Variants in PDXK observed in about 807,000 individuals in gnomAD.
PDXK encodes pyridoxal kinase, also known as epididymis secretory sperm binding protein Li 1a.
In PDXK, 15 loss-of-function variants were observed where a neutral mutation model predicts 43.2. That is an observed-to-expected ratio of 0.35 (90% CI 0.23 to 0.53). The LOEUF (loss-of-function observed/expected upper bound fraction) is 0.53. PDXK is among the 20% of genes least tolerant of loss of function. The probability of loss-of-function intolerance (pLI) is 0.92; values close to 1 mark genes in which losing one functional copy is unlikely to be tolerated. For synonymous variants in PDXK, 172 were observed against 165.4 expected (o/e 1.04, Z -0.31); for missense variants, 343 against 417.0 (o/e 0.82, Z 1.54).
intron 1 of PDXK, chr21:43,728,918 G>C (rs1386649413): frequency 2.0e-6 from 2 of 985,392 alleles, no homozygotes; most frequent in Admixed American, 1.2e-4. Context: ...CCACTGGCCT[G>C]GACTCTGCTG....
At chr21:43,744,184 G>A (rs763925434) in intron 4 of PDXK, among the ~76,000 whole-genome samples, 4 of 151,798 alleles carry the variant, frequency 2.6e-5, no homozygotes, top group Non-Finnish European at 1.5e-5. Flanking sequence ...TAGGGAGTGG[G>A]GGAGGGCAGG....
Position 43,732,784 on chromosome 21 carries a change from G to A in PDXK, c.88-1285G>A, listed in dbSNP as rs569716639. 1.7e-5 allele frequency: 10 copies of A among 599,814 alleles called. No homozygotes were observed. In the East Asian group the frequency reaches 2.5e-4, roughly 15 times the overall value. The allele number at this position is 599,814 out of a possible 1,614,324, so 37.2% of individuals were successfully genotyped here. A position where few individuals can be genotyped will look rare whatever the true frequency, so the allele number is the denominator to read the frequency against. On this transcript the variant is annotated intron_variant, in intron 1 of 10. Transcript: ENST00000291565. This position sits in a 1 kb window ranked among gnomAD's most constrained non-coding sequence, Gnocchi z 4.1. ...GTTTTTTGAGACATATTCTCACTCC[G>A]TCACCCAGGCTAGAGTGCAGTGGTG...
At chr21:43,739,941 A>G (rs1306498922) in intron 2 of PDXK, among the ~76,000 whole-genome samples, 2 of 150,270 alleles carry the variant, frequency 1.3e-5, no homozygotes, top group African/African-American at 2.4e-5. Context: ...CTCAGGACAC[A>G]CCCTCCACCG....
intron 1 of PDXK, among the ~76,000 whole-genome samples, chr21:43,733,207 G>T (rs925665152): frequency 1.3e-5 from 2 of 150,532 alleles, no homozygotes; most frequent in Non-Finnish European, 3.0e-5. Context: ...AGCCCACCCA[G>T]TGAAGAAACA....
In PDXK at chr21:43,722,740, T is replaced by G. The variant is rs373352841; in HGVS notation, c.87+3359T>G. On this transcript the variant is annotated intron_variant, in intron 1 of 10. Coordinates refer to ENST00000291565, the MANE Select transcript of PDXK (RefSeq NM_003681.5). ...CTGTCCTCACGTGGCCTCCGCCCAG[T>G]GTGCTCTCTTAAAAGTCCACTTAAC... Among the ~76,000 whole-genome samples the G allele has an allele frequency of 1.6e-4, 24 of 152,342 alleles. No homozygotes were observed. In the East Asian group the frequency reaches 4.0e-3, roughly 26 times the overall value.
In PDXK at chr21:43,732,351, C is replaced by A; in HGVS notation, c.88-1718C>A. On this transcript the variant is annotated intron_variant, in intron 1 of 10. Transcript: ENST00000291565. This position sits in a 1 kb window ranked among gnomAD's most constrained non-coding sequence, Gnocchi z 4.1. ...CCCCGTGCATTGTCGTCTTCTGAGT[C>A]TGGCTTTGTCTGGCACATGAAGTTG... 2 of 1,609,194 alleles carry A rather than the reference C, an allele frequency of 1.2e-6. No homozygotes were observed. Among genetic ancestry groups the A allele is most frequent in the South Asian group, 2.2e-5 (2 of 90,906 alleles).
chr21:43,725,033 C>G (rs1221390173), intron 1 of PDXK, among the ~76,000 whole-genome samples: 1 of 152,096 alleles, frequency 6.6e-6, no homozygotes, highest in East Asian at 1.9e-4. Flanking sequence ...GGTTAAAACA[C>G]CTGGTGTTGG....
At position 43,735,030 on chromosome 21, in the gene PDXK, C is replaced by G. The variant is rs183358233; in HGVS notation, c.142+907C>G. The stretch of plus-strand genomic sequence containing the variant: ...GGTTTCTTTTGAGGTGGGCATGACA[C>G]GTGCTAAGTGAGAGGAAAGAGTTGC... On this transcript the variant is annotated intron_variant, in intron 2 of 10. Transcript: ENST00000291565. The surrounding 1 kb of genome is among the most constrained non-coding windows in gnomAD (Gnocchi z 5.3). Among the ~76,000 whole-genome samples the G allele has an allele frequency of 6.6e-6, 1 of 152,202 alleles. No individual in the cohort carries two copies. The highest frequency in any genetic ancestry group is 2.1e-4 in the South Asian group (1 of 4,834).
Position 43,723,406 on chromosome 21 carries a change from C to T in PDXK, c.87+4025C>T, listed in dbSNP as rs1412578966. ...GAGCTCCTGACCTCAGGTGATCTGC[C>T]TGCCTCGGCCTCCCAAAGTGCTGGG... is the stretch of plus-strand genomic sequence containing the variant. On this transcript the variant is annotated intron_variant, in intron 1 of 10. Transcript: ENST00000291565. The surrounding 1 kb of genome is among the most constrained non-coding windows in gnomAD (Gnocchi z 4.1). 3 of 152,366 alleles carry T rather than the reference C, an allele frequency of 2.0e-5. No homozygotes were observed. The East Asian group carries it at 5.8e-4, about 29-fold the overall frequency. 9.4% of individuals were successfully genotyped at this position (152,366 alleles called of 1,614,324 possible). A position where few individuals can be genotyped will look rare whatever the true frequency, so the allele number is the denominator to read the frequency against.
At chr21:43,727,677 G>A (rs763262438) in intron 1 of PDXK, among the ~76,000 whole-genome samples, 6 of 152,214 alleles carry the variant, frequency 3.9e-5, no homozygotes, top group Non-Finnish European at 8.8e-5. Flanking sequence ...GCATGGGAGC[G>A]AGTTCCAAGG....
intron 1 of PDXK, among the ~76,000 whole-genome samples, chr21:43,725,672 G>A (rs1020204710): frequency 3.9e-5 from 6 of 152,084 alleles, no homozygotes; most frequent in East Asian, 1.9e-4. Flanking sequence ...TTAGCCGGGC[G>A]TGGTGGCACA....
chr21:43,734,223 G>T lies in PDXK; in HGVS notation c.142+100G>T. ...GGACGGGGCGGAGTGTGGGTGTGAG[G>T]GACGGGGCTTTCGTGTGGACGGGGA... On this transcript the variant is annotated intron_variant, in intron 2 of 10. Transcript: ENST00000291565. The surrounding 1 kb of genome is among the most constrained non-coding windows in gnomAD (Gnocchi z 5.0). 8.8e-7 allele frequency: 1 copy of T among 1,130,386 alleles called. No homozygotes were observed. Among genetic ancestry groups the T allele is most frequent in the South Asian group, 1.2e-5 (1 of 80,430 alleles). The allele number at this position is 1,130,386 out of a possible 1,614,324, so 70.0% of individuals were successfully genotyped here. A position where few individuals can be genotyped will look rare whatever the true frequency, so the allele number is the denominator to read the frequency against.
intron 2 of PDXK, 87 bp from the exon 3 acceptor site, chr21:43,741,580 C>T: frequency 6.4e-7 from 1 of 1,570,538 alleles, no homozygotes; most frequent in Non-Finnish European, 8.6e-7. Context: ...CAGGCAGCCT[C>T]AGGGAGAGTG....
chr21:43,719,445 G>A, intron 1 of PDXK, 64 bp downstream of exon 1: 1 of 1,443,652 alleles, frequency 6.9e-7, no homozygotes, highest in Non-Finnish European at 9.3e-7. Context: ...GGGGCTGCCC[G>A]AGACGAGCCT....
At chr21:43,747,732 G>A (rs530668670) in intron 5 of PDXK, among the ~76,000 whole-genome samples, 2 of 152,332 alleles carry the variant, frequency 1.3e-5, no homozygotes, top group South Asian at 4.1e-4. Context: ...GTGCGGCTAC[G>A]GGATCTGGCC....
At position 43,734,253 on chromosome 21, in the gene PDXK, G is replaced by A; in HGVS notation, c.142+130G>A. 2 of 861,382 alleles carry A rather than the reference G, an allele frequency of 2.3e-6. No individual in the cohort carries two copies. Among genetic ancestry groups the A allele is most frequent in the Non-Finnish European group, 3.8e-6 (2 of 521,540 alleles). The allele number at this position is 861,382 out of a possible 1,614,324, so 53.4% of individuals were successfully genotyped here. On this transcript the variant is annotated intron_variant, in intron 2 of 10. Coordinates refer to ENST00000291565, the MANE Select transcript of PDXK (RefSeq NM_003681.5). This position sits in a 1 kb window ranked among gnomAD's most constrained non-coding sequence, Gnocchi z 5.0. The stretch of plus-strand genomic sequence containing the variant: ...GGGCTTTCGTGTGGACGGGGACCTG[G>A]AGTCCTGGGCGTCGCTCGGGCAGAG...
In PDXK at chr21:43,761,012, T is replaced by A. The variant is rs1281360500; in HGVS notation, c.*4949T>A. The A allele has an allele frequency of 6.6e-6, 1 of 152,216 alleles. No individual in the cohort carries two copies. Among genetic ancestry groups the A allele is most frequent in the Non-Finnish European group, 1.5e-5 (1 of 68,034 alleles). The allele number at this position is 152,216 out of a possible 1,614,324, so 9.4% of individuals were successfully genotyped here. The stretch of plus-strand genomic sequence containing the variant: ...CATTTGTTTAAAACAGTTTAATGAG[T>A]AAGTTTAGATGACTGGTCAATATCT... On this transcript the variant is annotated 3_prime_UTR_variant, in exon 11 of 11. Coordinates refer to ENST00000291565, the MANE Select transcript of PDXK (RefSeq NM_003681.5).
rs763469355 is a variant in PDXK at position 43,738,067 on chromosome 21, T to C, written c.143-3600T>C. ...CGTCTCCCCTTCCTCATGGCTGTTATGGCTGAATTACGTCCCCCCAAATTC... is the reference window on the plus strand; with the variant it reads ...CGTCTCCCCTTCCTCATGGCTGTTACGGCTGAATTACGTCCCCCCAAATTC... On this transcript the variant is annotated intron_variant, in intron 2 of 10. Transcript: ENST00000291565. 4.1e-6 allele frequency: 4 copies of C among 984,650 alleles called. No individual in the cohort carries two copies. The Admixed American group carries it at 1.8e-4, about 45-fold the overall frequency. The allele number at this position is 984,650 out of a possible 1,614,324, so 61.0% of individuals were successfully genotyped here.
chr21:43,737,025 T>A lies in PDXK; in HGVS notation c.142+2902T>A, dbSNP rs1400452690. Reference sequence around the variant, plus strand: ...CCAGCTCACTGCAGCCTTGACCTCCTGGGCTGAAGCAATCTTTCTGCCTCC... The same window carrying A: ...CCAGCTCACTGCAGCCTTGACCTCCAGGGCTGAAGCAATCTTTCTGCCTCC... On this transcript the variant is annotated intron_variant, in intron 2 of 10. Coordinates refer to ENST00000291565, the MANE Select transcript of PDXK (RefSeq NM_003681.5). This position sits in a 1 kb window ranked among gnomAD's most constrained non-coding sequence, Gnocchi z 4.8. 1 of 713,076 alleles carries A rather than the reference T, an allele frequency of 1.4e-6. No individual in the cohort carries two copies. Among genetic ancestry groups the A allele is most frequent in the South Asian group, 1.5e-5 (1 of 67,792 alleles). 44.2% of individuals were successfully genotyped at this position (713,076 alleles called of 1,614,324 possible).
Sources: gnomAD v4.1 joint callset for allele counts (sites outside exome capture counted in the v4.1 genomes callset) on GRCh38, gnomAD v4.1.1 for gene constraint, Gnocchi (gnomAD v3.1) non-coding constraint, MANE v1.5 for transcripts, NCBI Gene and HGNC (gene_info 2026-07-23, HGNC 2026-07-21) for gene names.